TRPM2: variants seen among roughly 807,000 people sequenced by gnomAD.
TRPM2 encodes the protein transient receptor potential cation channel subfamily M member 2.
TRPM2 carries 161 observed loss-of-function variants against 174.0 expected under a neutral mutation model. That is an observed-to-expected ratio of 0.93 (90% CI 0.81 to 1.05). The LOEUF (loss-of-function observed/expected upper bound fraction) is 1.05. Among genes scored for constraint, TRPM2 ranks in the 50% least tolerant of loss-of-function variants. TRPM2 has a pLI of 0.00. For synonymous variants in TRPM2, 954 were observed against 861.3 expected (o/e 1.11, Z -1.88); for missense variants, 2,057 against 2,038.0 (o/e 1.01, Z -0.18).
chr21:44,431,430 C>T (rs1194097112), intron 27 of TRPM2, among the ~76,000 whole-genome samples: 8 of 152,040 alleles, frequency 5.3e-5, no homozygotes, highest in African/African-American at 1.7e-4. Flanking sequence ...TGAGCCACCA[C>T]GCCCAGCATA....
At chr21:44,358,386 T>A (rs1291397336) in intron 2 of TRPM2, among the ~76,000 whole-genome samples, 2 of 150,066 alleles carry the variant, frequency 1.3e-5, no homozygotes, top group Non-Finnish European at 3.0e-5. Flanking sequence ...GGAGCCCCCC[T>A]TGGGTGGCAG....
chr21:44,351,691 G>A (rs1403330109), upstream of TRPM2, among the ~76,000 whole-genome samples: 1 of 152,198 alleles, frequency 6.6e-6, no homozygotes, highest in Non-Finnish European at 1.5e-5. Flanking sequence ...TGCACCCCTG[G>A]GCTGAGGCTG....
In TRPM2 at chr21:44,405,278, G is replaced by A. The variant is rs368455762; in HGVS notation, c.2657+18G>A. On this transcript the variant is annotated intron_variant, in intron 17 of 31. Coordinates refer to ENST00000397928, the MANE Select transcript of TRPM2 (RefSeq NM_003307.4). The stretch of plus-strand genomic sequence containing the variant: ...ACCTGCAGGTGAGTGGCCTCACCCC[G>A]ATGGCGGGCCCGTCTGAGGCAGCCA... 76 of 1,610,712 alleles carry A rather than the reference G, an allele frequency of 4.7e-5. No homozygotes were observed. Among genetic ancestry groups the A allele is most frequent in the Non-Finnish European group, 6.1e-5 (72 of 1,179,790 alleles).
At chr21:44,407,386 A>G (rs1275581088) in intron 19 of TRPM2, among the ~76,000 whole-genome samples, 1 of 147,846 alleles carries the variant, frequency 6.8e-6, no homozygotes, top group Non-Finnish European at 1.5e-5. Flanking sequence ...TTGGCCTCCC[A>G]AAGTGCTGAG....
intron 27 of TRPM2, among the ~76,000 whole-genome samples, chr21:44,434,197 C>T (rs560655662): frequency 6.6e-5 from 10 of 152,124 alleles, no homozygotes; most frequent in Admixed American, 2.0e-4. Context: ...GGTGGAGGAA[C>T]GATACCACTG....
Position 44,384,697 on chromosome 21 carries a change from C to T in TRPM2, c.1318+1877C>T, listed in dbSNP as rs549503734. ...TGGGGAAAACATTCAAGCCATAGCA[C>T]TAGATGAAATGAACACATTTCTAGA... On this transcript the variant is annotated intron_variant, in intron 9 of 31. Transcript: ENST00000397928. Among the ~76,000 whole-genome samples, 8 of 152,226 alleles carry T rather than the reference C, an allele frequency of 5.3e-5. No homozygotes were observed. The South Asian group carries it at 1.7e-3, about 32-fold the overall frequency.
At position 44,399,460 on chromosome 21, in the gene TRPM2, C is replaced by T. The variant is rs772407794; in HGVS notation, c.2208+19C>T. ...CATCCAGGTGACCTCCCAAGAGCCC[C>T]TTCCAGAAACAGACGCCTGTGGTGC... On this transcript the variant is annotated intron_variant, in intron 14 of 31. Transcript: ENST00000397928. The surrounding 1 kb of genome is among the most constrained non-coding windows in gnomAD (Gnocchi z 4.6). The T allele has an allele frequency of 3.7e-6, 6 of 1,603,144 alleles. 1 individual carries two copies. In the South Asian group the frequency reaches 5.5e-5, roughly 15 times the overall value.
In TRPM2 at chr21:44,430,107, G is replaced by A. The variant is rs142530913; in HGVS notation, c.3974+2996G>A. ...AGTGTTGAGCCATCCTTGCATTCCT[G>A]GAATAAACTCTTCTGTTATATTTAA... On this transcript the variant is annotated intron_variant, in intron 27 of 31. Coordinates refer to ENST00000397928, the MANE Select transcript of TRPM2 (RefSeq NM_003307.4). Among the ~76,000 whole-genome samples, 471 of 152,066 alleles carry A rather than the reference G, an allele frequency of 3.1e-3. 4 individuals carry two copies. Among genetic ancestry groups the A allele is most frequent in the African/African-American group, 0.011 (453 of 41,456 alleles).
intron 12 of TRPM2, among the ~76,000 whole-genome samples, chr21:44,397,453 A>C (rs2049463847): frequency 6.6e-6 from 1 of 152,168 alleles, no homozygotes; most frequent in Non-Finnish European, 1.5e-5. Context: ...TCTGCAGCTC[A>C]CACGGGTTCC....
intron 2 of TRPM2, among the ~76,000 whole-genome samples, chr21:44,358,963 C>T (rs115915326): frequency 0.011 from 1,598 of 151,018 alleles, 46 homozygotes; most frequent in East Asian, 0.028. Context: ...GGGACCCGAG[C>T]AGTTTGCCGC....
intron 19 of TRPM2, among the ~76,000 whole-genome samples, chr21:44,410,469 C>T (rs1569084494): frequency 2.9e-5 from 2 of 69,462 alleles, no homozygotes; most frequent in East Asian, 5.4e-4. Context: ...TCTTGGTGAG[C>T]GTAGCCTTGT....
At chr21:44,423,590 G>T (rs1296369487) in intron 22 of TRPM2, 55 bp from the exon 23 acceptor site, 3 of 1,508,876 alleles carry the variant, frequency 2.0e-6, no homozygotes, top group East Asian at 4.6e-5. Flanking sequence ...GCGGTGTGGC[G>T]TTCCCAGGGC....
chr21:44,403,630 T>C (rs536245106), intron 16 of TRPM2, among the ~76,000 whole-genome samples: 2 of 150,244 alleles, frequency 1.3e-5, no homozygotes, highest in African/African-American at 2.5e-5. Context: ...CATTCATGCA[T>C]ATGTATACAC....
At chr21:44,424,160 A>G (rs953787996) in intron 23 of TRPM2, among the ~76,000 whole-genome samples, 1 of 152,170 alleles carries the variant, frequency 6.6e-6, no homozygotes, top group Non-Finnish European at 1.5e-5. Context: ...GTGCTGTCCA[A>G]CAACAGCACC....
rs1006619801 is a variant in TRPM2 at position 44,439,622 on chromosome 21, G to A, written c.4269+454G>A. On this transcript the variant is annotated intron_variant, in intron 30 of 31. Transcript: ENST00000397928. This position sits in a 1 kb window ranked among gnomAD's most constrained non-coding sequence, Gnocchi z 5.1. Reference sequence around the variant, plus strand: ...CACATGCATGCCCAGCCTGGGGACCGACTGTACCAGGACTTTTTATTTACT... The same window carrying A: ...CACATGCATGCCCAGCCTGGGGACCAACTGTACCAGGACTTTTTATTTACT... Among the ~76,000 whole-genome samples the A allele has an allele frequency of 1.3e-5, 2 of 152,190 alleles. No homozygotes were observed. Among genetic ancestry groups the A allele is most frequent in the African/African-American group, 4.8e-5 (2 of 41,436 alleles).
At chr21:44,418,158 G>C in intron 21 of TRPM2, 50 bp downstream of exon 21, 2 of 1,569,970 alleles carry the variant, frequency 1.3e-6, no homozygotes, top group Non-Finnish European at 1.7e-6. Context: ...CCCGGGTGCA[G>C]AGGGGGTGGA....
intron 2 of TRPM2, among the ~76,000 whole-genome samples, chr21:44,362,877 G>C (rs1017482122): frequency 7.9e-5 from 12 of 152,048 alleles, no homozygotes; most frequent in Admixed American, 3.9e-4. Context: ...GGGTTCAAGC[G>C]AGTCTCCTGC....
chr21:44,381,957 GATA>G (rs2048891536), intron 8 of TRPM2, among the ~76,000 whole-genome samples: 1 of 20,438 alleles, frequency 4.9e-5, no homozygotes, highest in African/African-American at 1.3e-4. Context: ...TAGATGGATA[GATA>G]GATAGATAGA....
rs556504708 is a variant in TRPM2 at position 44,413,196 on chromosome 21, G to A, written c.2963-695G>A. On this transcript the variant is annotated intron_variant, in intron 19 of 31. Transcript: ENST00000397928. ...ACATCTCCACGTCTCCCTTCTCTTT[G>A]GGATAGTTGTTATTTTTTTCCTTTT... Among the ~76,000 whole-genome samples, 5 of 147,126 alleles carry A rather than the reference G, an allele frequency of 3.4e-5. No individual in the cohort carries two copies. In the South Asian group the frequency reaches 6.7e-4, roughly 20 times the overall value.
Sources: allele counts gnomAD v4.1 joint callset (sites outside exome capture counted in the v4.1 genomes callset), GRCh38; gene constraint gnomAD v4.1.1; non-coding constraint Gnocchi (gnomAD v3.1); transcripts MANE v1.5; gene names NCBI Gene and HGNC (gene_info 2026-07-23, HGNC 2026-07-21).